Variants in METTL15 observed in about 807,000 individuals in gnomAD.
METTL15 encodes the protein methyltransferase 15, mitochondrial 12S rRNA N4-cytidine.
Under a neutral mutation model 38.3 loss-of-function variants are expected in METTL15, and 34 were observed. That is an observed-to-expected ratio of 0.89 (90% CI 0.68 to 1.18). METTL15 has a LOEUF of 1.18. Ranked by LOEUF, METTL15 falls within the 50% of genes most tolerant of loss-of-function variation. METTL15 has a pLI of 0.00. For missense variants in METTL15, 438 were observed against 498.4 expected (o/e 0.88, Z 1.15); for synonymous variants, 162 against 170.9 (o/e 0.95, Z 0.41).
At chr11:28,153,399 T>C (rs1174123420) in intron 3 of METTL15, among the ~76,000 whole-genome samples, 2 of 152,186 alleles carry the variant, frequency 1.3e-5, no homozygotes, top group East Asian at 3.8e-4. Flanking sequence ...ATTCAAGTTT[T>C]GGTTTTTGGA....
At chr11:28,428,811 A>C (rs188231816) in intron 6 of METTL15, among the ~76,000 whole-genome samples, 121 of 152,024 alleles carry the variant, frequency 8.0e-4, no homozygotes, top group African/African-American at 2.8e-3. Context: ...TCCTATCTTT[A>C]TTTCTTTCCC....
intron 3 of METTL15, among the ~76,000 whole-genome samples, chr11:28,194,420 G>A (rs368665225): frequency 1.3e-4 from 20 of 151,464 alleles, no homozygotes; most frequent in African/African-American, 3.6e-4. Context: ...GGCTGGTCTC[G>A]AACTCCTGAC....
Position 28,123,595 on chromosome 11 carries a change from G to T in METTL15, c.270+9991G>T, listed in dbSNP as rs542646569. ...ACCAGGAGGTAATATGCATTTAAAT[G>T]TTTTATTTTTCTTGGTGAATATTGC... On this transcript the variant is annotated intron_variant, in intron 3 of 6. Coordinates refer to ENST00000407364, the MANE Select transcript of METTL15 (RefSeq NM_001113528.2). 3.3e-5 allele frequency among the ~76,000 whole-genome samples: 5 copies of T among 151,812 alleles called. No homozygotes were observed. The South Asian group carries it at 1.0e-3, about 32-fold the overall frequency.
In METTL15 at chr11:28,113,345, A is replaced by G. The variant is rs1001752883; in HGVS notation, c.11A>G (p.Tyr4Cys). 1.3e-6 allele frequency: 2 copies of G among 1,554,442 alleles called. No homozygotes were observed. The highest frequency in any genetic ancestry group is 1.7e-6 in the Non-Finnish European group (2 of 1,149,066). Residue 4 changes from tyrosine to cysteine, a missense_variant, in exon 3 of 7, where the codon TAT becomes TGT. By Grantham distance (194) the Tyr-to-Cys change is radical (BLOSUM62 -2). Coordinates refer to ENST00000407364, the MANE Select transcript of METTL15 (RefSeq NM_001113528.2). MLR[Y>C]PYFCRMYKEC... ...TTGTTTACCTACAAAATGCTTCGGT[A>G]TCCATATTTTTGTAGAATGTATAAA...
chr11:28,339,371 CTA>C (rs1053772139), intron 3 of METTL15, among the ~76,000 whole-genome samples: 3 of 151,704 alleles, frequency 2.0e-5, no homozygotes, highest in African/African-American at 7.3e-5. Context: ...AAGCTGAAAA[CTA>C]TAAAAAATAA....
chr11:28,361,181 G>C (rs1035283763), intron 4 of METTL15, among the ~76,000 whole-genome samples: 1 of 150,488 alleles, frequency 6.6e-6, no homozygotes, highest in Non-Finnish European at 1.5e-5. Flanking sequence ...ACCCAGTAAT[G>C]GGATGGCTGG....
intron 5 of METTL15, among the ~76,000 whole-genome samples, chr11:28,399,260 A>G (rs951263679): frequency 6.6e-6 from 1 of 152,010 alleles, no homozygotes; most frequent in Non-Finnish European, 1.5e-5. Context: ...AGAAAACTGA[A>G]ACTGGACCCC....
At chr11:28,137,538 G>GTA (rs1425269362) in intron 3 of METTL15, among the ~76,000 whole-genome samples, 1 of 152,168 alleles carries the variant, frequency 6.6e-6, no homozygotes, top group Non-Finnish European at 1.5e-5. Context: ...TTCCAACATA[G>GTA]TTAAGGGCGT....
At chr11:28,235,815 T>C (rs1208582955) in intron 4 of METTL15, among the ~76,000 whole-genome samples, 5 of 152,212 alleles carry the variant, frequency 3.3e-5, no homozygotes, top group Non-Finnish European at 7.3e-5. Context: ...TCCTGCCTCA[T>C]TGCCCTGGCC....
At position 28,202,792 on chromosome 11, in the gene METTL15, A is replaced by G. The variant is rs189044948; in HGVS notation, c.271-8270A>G. Among the ~76,000 whole-genome samples, 70 of 152,266 alleles carry G rather than the reference A, an allele frequency of 4.6e-4. 1 individual carries two copies. The highest frequency in any genetic ancestry group is 4.1e-3 in the Admixed American group (62 of 15,270). ...AAGTTTTAAAGTGAAGTCAGGCCAT[A>G]TTGTTTCCAAACTAAGATGGGAACT... is the stretch of plus-strand genomic sequence containing the variant. On this transcript the variant is annotated intron_variant, in intron 3 of 6. Coordinates refer to ENST00000407364, the MANE Select transcript of METTL15 (RefSeq NM_001113528.2).
At chr11:28,280,007 A>C (rs1354444764) in intron 4 of METTL15, among the ~76,000 whole-genome samples, 1 of 151,924 alleles carries the variant, frequency 6.6e-6, no homozygotes, top group East Asian at 1.9e-4. Flanking sequence ...CATGTTAACT[A>C]CATTAATTCT....
Position 28,238,364 on chromosome 11 carries a change from C to T in METTL15, c.407+27166C>T, listed in dbSNP as rs373458565. On this transcript the variant is annotated intron_variant, in intron 4 of 6. Transcript: ENST00000407364. ...GCCTTGCAGTTTGATCTCAGACTGC[C>T]GTGCTAGCAATCAGCGAGACTCCGT... is the stretch of plus-strand genomic sequence containing the variant. Among the ~76,000 whole-genome samples the T allele has an allele frequency of 7.6e-4, 115 of 152,252 alleles. 1 individual carries two copies. Among genetic ancestry groups the T allele is most frequent in the African/African-American group, 1.6e-3 (68 of 41,540 alleles).
At chr11:28,196,526 C>G (rs1038148924) in intron 3 of METTL15, among the ~76,000 whole-genome samples, 1 of 151,914 alleles carries the variant, frequency 6.6e-6, no homozygotes, top group Non-Finnish European at 1.5e-5. Context: ...AGCAGTGCTG[C>G]TGATGTATAT....
At chr11:28,112,544 T>G (rs1851764904) in intron 2 of METTL15, among the ~76,000 whole-genome samples, 1 of 152,188 alleles carries the variant, frequency 6.6e-6, no homozygotes, top group Non-Finnish European at 1.5e-5. Flanking sequence ...TTCTTCTGCA[T>G]TTTAAAGAGT....
chr11:28,370,315 G>A lies in METTL15; in HGVS notation c.*358+8279G>A, dbSNP rs1850230146. The stretch of plus-strand genomic sequence containing the variant: ...ATATGAGTGAGAACATGCAATATTT[G>A]TCTTTCTCTGCTTGGCTTATTTTAT... On this transcript the variant is annotated intron_variant and NMD_transcript_variant, in intron 5 of 7. Transcript: ENST00000532947. Among the ~76,000 whole-genome samples, 7 of 111,566 alleles carry A rather than the reference G, an allele frequency of 6.3e-5. No individual in the cohort carries two copies. The Admixed American group carries it at 7.2e-4, about 11-fold the overall frequency. 73.2% of individuals were successfully genotyped at this position (111,566 alleles called of 152,430 possible).
At chr11:28,458,967 G>T (rs1040290413) in intron 6 of METTL15, among the ~76,000 whole-genome samples, 4 of 152,062 alleles carry the variant, frequency 2.6e-5, no homozygotes, top group Non-Finnish European at 5.9e-5. Flanking sequence ...AACCTGACAT[G>T]TTCATATACC....
intron 3 of METTL15, among the ~76,000 whole-genome samples, chr11:28,351,179 G>A (rs766246647): frequency 5.9e-5 from 9 of 151,974 alleles, no homozygotes; most frequent in African/African-American, 1.7e-4. Flanking sequence ...TGGTGCAATC[G>A]CAGCTCACTG....
intron 6 of METTL15, among the ~76,000 whole-genome samples, chr11:28,436,333 C>T (rs1391608274): frequency 1.3e-5 from 2 of 152,162 alleles, no homozygotes; most frequent in Non-Finnish European, 1.5e-5. Context: ...TATCAGTTTG[C>T]TATTGTGCAT....
At chr11:28,151,080 T>G (rs975439894) in intron 3 of METTL15, among the ~76,000 whole-genome samples, 1 of 150,720 alleles carries the variant, frequency 6.6e-6, no homozygotes, top group African/African-American at 2.4e-5. Flanking sequence ...TGATGAAAGG[T>G]TTTCATTGGG....
Sources: allele counts gnomAD v4.1 joint callset (sites outside exome capture counted in the v4.1 genomes callset), GRCh38; gene constraint gnomAD v4.1.1; transcripts MANE v1.5; gene names NCBI Gene and HGNC (gene_info 2026-07-23, HGNC 2026-07-21).